RAB3C: variants seen among roughly 807,000 people sequenced by gnomAD.
RAB3C encodes RAB3C, member RAS oncogene family, also known as ras-related protein Rab-3C.
In RAB3C, 17 loss-of-function variants were observed where a neutral mutation model predicts 26.4. The ratio of observed to expected loss-of-function variants is 0.64; its 90% CI spans 0.44 to 0.97. The LOEUF (loss-of-function observed/expected upper bound fraction) is 0.97, where lower values mean the gene tolerates loss of function less well. Among genes scored for constraint, RAB3C ranks in the 50% least tolerant of loss-of-function variants. The pLI is 0.00. For missense variants in RAB3C, 242 were observed against 281.9 expected (o/e 0.86, Z 1.01); for synonymous variants, 91 against 95.9 (o/e 0.95, Z 0.30).
intron 4 of RAB3C, among the ~76,000 whole-genome samples, chr5:58,835,694 A>G (rs1315032649): frequency 1.3e-5 from 2 of 152,176 alleles, no homozygotes; most frequent in African/African-American, 4.8e-5. Context: ...TGTAACCGAA[A>G]TCTGTATAAA....
At chr5:58,626,370 T>G (rs1480451573) in intron 2 of RAB3C, among the ~76,000 whole-genome samples, 1 of 152,162 alleles carries the variant, frequency 6.6e-6, no homozygotes, top group Non-Finnish European at 1.5e-5. Context: ...CTTTGCACTG[T>G]TTTGTAATCT....
At chr5:58,633,000 A>G (rs1747217822) in intron 2 of RAB3C, among the ~76,000 whole-genome samples, 1 of 152,216 alleles carries the variant, frequency 6.6e-6, no homozygotes, top group South Asian at 2.1e-4. Flanking sequence ...TTCTAATACT[A>G]TCTCTGTCTC....
At chr5:58,632,559 G>C (rs1256686264) in intron 2 of RAB3C, among the ~76,000 whole-genome samples, 1 of 152,204 alleles carries the variant, frequency 6.6e-6, no homozygotes, top group Non-Finnish European at 1.5e-5. Context: ...GATCGGGGAA[G>C]GGGCAGACCA....
chr5:58,726,131 G>A lies in RAB3C; in HGVS notation c.371+11G>A, dbSNP rs374800220. Reference sequence around the variant, plus strand: ...TGCAGTACAAGATTGGTAAGTCAGAGCAAATACTCTTATTACTGATAATGA... The same window carrying A: ...TGCAGTACAAGATTGGTAAGTCAGAACAAATACTCTTATTACTGATAATGA... On this transcript the variant is annotated intron_variant, in intron 3 of 4. Transcript: ENST00000282878. 32 of 1,328,374 alleles carry A rather than the reference G, an allele frequency of 2.4e-5. No homozygotes were observed. In the African/African-American group the frequency reaches 4.0e-4, roughly 16 times the overall value. The allele number at this position is 1,328,374 out of a possible 1,614,324, so 82.3% of individuals were successfully genotyped here. A position where few individuals can be genotyped will look rare whatever the true frequency, so the allele number is the denominator to read the frequency against.
At chr5:58,704,945 G>T (rs546486839) in intron 2 of RAB3C, among the ~76,000 whole-genome samples, 1 of 152,212 alleles carries the variant, frequency 6.6e-6, no homozygotes, top group East Asian at 1.9e-4. Flanking sequence ...ATTAATAATT[G>T]TATGAGTTTC....
At chr5:58,770,880 C>T (rs541922413) in intron 3 of RAB3C, among the ~76,000 whole-genome samples, 1 of 152,180 alleles carries the variant, frequency 6.6e-6, no homozygotes, top group Non-Finnish European at 1.5e-5. Context: ...GAAACACACA[C>T]TCATATATAC....
At chr5:58,797,368 AAT>A (rs1406041571) in intron 3 of RAB3C, among the ~76,000 whole-genome samples, 1 of 22,804 alleles carries the variant, frequency 4.4e-5, no homozygotes, top group East Asian at 8.3e-4. Context: ...GTATATATAT[AAT>A]ATATATATAT....
At chr5:58,794,763 A>T (rs1011261708) in intron 3 of RAB3C, among the ~76,000 whole-genome samples, 1 of 152,164 alleles carries the variant, frequency 6.6e-6, no homozygotes, top group African/African-American at 2.4e-5. Flanking sequence ...GGCGCAGAGG[A>T]GTTCAGTTAC....
At chr5:58,675,347 C>T (rs1004131208) in intron 2 of RAB3C, among the ~76,000 whole-genome samples, 4 of 152,120 alleles carry the variant, frequency 2.6e-5, no homozygotes, top group African/African-American at 9.7e-5. Context: ...CTTGGCTATA[C>T]CTTTACTTAA....
chr5:58,592,436 C>T (rs1438918274), intron 1 of RAB3C, among the ~76,000 whole-genome samples: 1 of 151,876 alleles, frequency 6.6e-6, no homozygotes, highest in African/African-American at 2.4e-5. Flanking sequence ...ATAATTTTAG[C>T]TTTCAATAGC....
intron 3 of RAB3C, among the ~76,000 whole-genome samples, chr5:58,804,873 T>C (rs1742898984): frequency 6.6e-6 from 1 of 151,990 alleles, no homozygotes; most frequent in South Asian, 2.1e-4. Flanking sequence ...TGCCTAAAGA[T>C]AATGTTTTTG....
At chr5:58,629,441 A>G (rs1343026537) in intron 2 of RAB3C, among the ~76,000 whole-genome samples, 2 of 152,230 alleles carry the variant, frequency 1.3e-5, no homozygotes, top group Non-Finnish European at 2.9e-5. Flanking sequence ...GTGCTAGGCC[A>G]TGGAGGAGAG....
chr5:58,699,957 T>G (rs1006253617), intron 2 of RAB3C, among the ~76,000 whole-genome samples: 1 of 152,214 alleles, frequency 6.6e-6, no homozygotes, highest in Non-Finnish European at 1.5e-5. Flanking sequence ...TGGCTCACCC[T>G]CTGTGGGCTG....
intron 2 of RAB3C, among the ~76,000 whole-genome samples, chr5:58,623,182 C>T (rs1746971529): frequency 6.6e-6 from 1 of 152,194 alleles, no homozygotes. Flanking sequence ...CAACTAACTT[C>T]TTCCTGCACA....
intron 3 of RAB3C, among the ~76,000 whole-genome samples, chr5:58,813,596 A>T (rs1230014827): frequency 0.026 from 245 of 9,344 alleles, 5 homozygotes; most frequent in Middle Eastern, 0.25. Flanking sequence ...TTATATTTAT[A>T]TATATATATA....
At chr5:58,622,731 T>C (rs1162695691) in intron 2 of RAB3C, among the ~76,000 whole-genome samples, 1 of 152,184 alleles carries the variant, frequency 6.6e-6, no homozygotes, top group Non-Finnish European at 1.5e-5. Flanking sequence ...TAAAATTTAT[T>C]TTTTGCAACA....
In RAB3C at chr5:58,686,229, C is replaced by T. The variant is rs537054561; in HGVS notation, c.253-39773C>T. ...ATCATCATGACATTTGTAGAGTGAC[C>T]TATGGAGACAAAGTTGATAGGAAAG... On this transcript the variant is annotated intron_variant, in intron 2 of 4. Transcript: ENST00000282878. Among the ~76,000 whole-genome samples the T allele has an allele frequency of 3.3e-5, 5 of 152,180 alleles. 1 individual carries two copies. In the East Asian group the frequency reaches 9.6e-4, roughly 29 times the overall value.
At chr5:58,631,180 C>T (rs1484230995) in intron 2 of RAB3C, among the ~76,000 whole-genome samples, 1 of 152,202 alleles carries the variant, frequency 6.6e-6, no homozygotes, top group African/African-American at 2.4e-5. Flanking sequence ...TGTGGCCCCA[C>T]CTCACTGCTC....
At chr5:58,841,354 C>A (rs528089850) in intron 4 of RAB3C, among the ~76,000 whole-genome samples, 71 of 152,274 alleles carry the variant, frequency 4.7e-4, no homozygotes, top group Admixed American at 1.4e-3. Flanking sequence ...AGAGTCATAG[C>A]TGATTCTGGG....
Sources: gnomAD v4.1 joint callset for allele counts (sites outside exome capture counted in the v4.1 genomes callset) on GRCh38, gnomAD v4.1.1 for gene constraint, MANE v1.5 for transcripts, NCBI Gene and HGNC (gene_info 2026-07-23, HGNC 2026-07-21) for gene names.